AGBL1: variants seen among roughly 807,000 people sequenced by gnomAD.
AGBL1 encodes AGBL carboxypeptidase 1, also known as cytosolic carboxypeptidase 4.
In AGBL1, 130 loss-of-function variants were observed where a neutral mutation model predicts 118.9. The observed-to-expected ratio is 1.09, with a 90% CI of 0.95 to 1.26. The LOEUF (loss-of-function observed/expected upper bound fraction) is 1.26. AGBL1 is among the 50% of genes most tolerant of loss of function. The probability of loss-of-function intolerance (pLI) is 0.00; values close to 1 mark genes in which losing one functional copy is unlikely to be tolerated. For missense variants in AGBL1, 1,584 were observed against 1,298.1 expected (o/e 1.22, Z -3.38); for synonymous variants, 555 against 478.9 (o/e 1.16, Z -2.08).
chr15:86,980,885 CTTTTTTTTTT>C (rs36077192), intron 23 of AGBL1, among the ~76,000 whole-genome samples: 1 of 118,986 alleles, frequency 8.4e-6, no homozygotes, highest in Non-Finnish European at 1.7e-5. Context: ...CAGAAACATC[CTTTTTTTTTT>C]TTTTTTTTTG....
chr15:86,264,503 C>A lies in AGBL1; in HGVS notation c.1332C>A (p.Ser444=), dbSNP rs1291697332. The change falls in exon 11 of 23, where the codon TCC becomes TCA. Residue 444 remains serine (S), a synonymous_variant. Coordinates refer to ENST00000614907, the MANE Select transcript of AGBL1 (RefSeq NM_001386094.1). Reference sequence around the variant, plus strand: ...TGAACCTGTACCAAAATGTGCAATCCAATAGTCTCAGGAGAGATTCTTCTG... The same window carrying A: ...TGAACCTGTACCAAAATGTGCAATCAAATAGTCTCAGGAGAGATTCTTCTG... ...PGVNLYQNVQ[S]NSLRRDSSES... The A allele has an allele frequency of 8.1e-6, 13 of 1,613,886 alleles. No homozygotes were observed. The highest frequency in any genetic ancestry group is 1.3e-5 in the African/African-American group (1 of 74,920).
At chr15:86,956,541 C>T (rs778243077) in intron 23 of AGBL1, among the ~76,000 whole-genome samples, 12 of 152,110 alleles carry the variant, frequency 7.9e-5, no homozygotes, top group Non-Finnish European at 1.6e-4. Context: ...AGACTTGAGG[C>T]AGAATTCCTT....
At chr15:86,656,089 G>T (rs1315933501) in intron 21 of AGBL1, among the ~76,000 whole-genome samples, 1 of 152,158 alleles carries the variant, frequency 6.6e-6, no homozygotes, top group Admixed American at 6.5e-5. Flanking sequence ...TTCTGCACCT[G>T]CAGTGTAATA....
At chr15:86,624,230 C>G (rs2084851583) in intron 21 of AGBL1, among the ~76,000 whole-genome samples, 3 of 152,138 alleles carry the variant, frequency 2.0e-5, no homozygotes, top group Non-Finnish European at 4.4e-5. Flanking sequence ...TATTCTAGTT[C>G]TCATTATTGG....
intron 21 of AGBL1, among the ~76,000 whole-genome samples, chr15:86,583,965 T>C (rs2084210374): frequency 8.1e-6 from 1 of 124,094 alleles, no homozygotes; most frequent in South Asian, 2.5e-4. Flanking sequence ...TTTTTCATGT[T>C]TCTTGGCCAC....
At chr15:86,605,119 C>T (rs966633325) in intron 21 of AGBL1, among the ~76,000 whole-genome samples, 2 of 151,926 alleles carry the variant, frequency 1.3e-5, no homozygotes, top group African/African-American at 4.8e-5. Context: ...ATGTGGTAGT[C>T]AAAACTGGTG....
chr15:86,629,807 TTA>T (rs1321602860), intron 21 of AGBL1, among the ~76,000 whole-genome samples: 8 of 152,172 alleles, frequency 5.3e-5, no homozygotes, highest in Non-Finnish European at 1.2e-4. Flanking sequence ...TGCATTTCCT[TTA>T]TTTCAGGCCC....
chr15:86,150,002 C>T (rs1308602866), intron 3 of AGBL1, among the ~76,000 whole-genome samples: 1 of 152,170 alleles, frequency 6.6e-6, no homozygotes, highest in Non-Finnish European at 1.5e-5. Context: ...TACATGGAAA[C>T]TGAACAACCT....
chr15:86,510,757 T>A (rs1263384583), intron 18 of AGBL1, among the ~76,000 whole-genome samples: 1 of 152,102 alleles, frequency 6.6e-6, no homozygotes, highest in Non-Finnish European at 1.5e-5. Flanking sequence ...TATTTCATAA[T>A]TAAACCTGTT....
intron 17 of AGBL1, among the ~76,000 whole-genome samples, chr15:86,325,604 A>G (rs1470893883): frequency 4.6e-5 from 7 of 152,102 alleles, no homozygotes; most frequent in Non-Finnish European, 8.8e-5. Context: ...TGGCATTGTT[A>G]TATCACCGAG....
At chr15:86,990,241 G>A (rs1050190216) in intron 24 of AGBL1, among the ~76,000 whole-genome samples, 1 of 152,132 alleles carries the variant, frequency 6.6e-6, no homozygotes, top group Non-Finnish European at 1.5e-5. Flanking sequence ...GGGGCCGGAC[G>A]CCATAGCTCA....
At chr15:86,632,220 A>G (rs1321135658) in intron 21 of AGBL1, among the ~76,000 whole-genome samples, 1 of 147,174 alleles carries the variant, frequency 6.8e-6, no homozygotes, top group Non-Finnish European at 1.5e-5. Context: ...GTGAGTTATG[A>G]TCATGCCACT....
chr15:86,325,985 C>T (rs1044192054), intron 17 of AGBL1, among the ~76,000 whole-genome samples: 2 of 152,144 alleles, frequency 1.3e-5, no homozygotes. Flanking sequence ...CTTATCCCCT[C>T]CTGTATCTTC....
rs953933603 is a variant in AGBL1 at position 86,913,045 on chromosome 15, G to C, written c.*5751G>C. 4.6e-5 allele frequency: 7 copies of C among 152,046 alleles called. No homozygotes were observed. Among genetic ancestry groups the C allele is most frequent in the Middle Eastern group, 3.2e-3 (1 of 316 alleles). 9.4% of individuals were successfully genotyped at this position (152,046 alleles called of 1,614,324 possible). On this transcript the variant is annotated 3_prime_UTR_variant, in exon 23 of 23. Coordinates refer to ENST00000614907, the MANE Select transcript of AGBL1 (RefSeq NM_001386094.1). Reference sequence around the variant, plus strand: ...GAAAAGAAAAAATAGAGTGGTAAAAGGGAATTTTGAGATAAAAATGGATTC... The same window carrying C: ...GAAAAGAAAAAATAGAGTGGTAAAACGGAATTTTGAGATAAAAATGGATTC...
intron 24 of AGBL1, among the ~76,000 whole-genome samples, chr15:87,023,968 T>A (rs1432004888): frequency 2.6e-5 from 4 of 151,890 alleles, no homozygotes; most frequent in African/African-American, 9.7e-5. Context: ...TCAAAACCTC[T>A]GAGACACAAA....
chr15:86,783,339 A>G (rs931713957), intron 22 of AGBL1, among the ~76,000 whole-genome samples: 1 of 152,214 alleles, frequency 6.6e-6, no homozygotes, highest in African/African-American at 2.4e-5. Context: ...ATCAGCTACT[A>G]TGGAATTTCC....
At chr15:86,307,474 A>G (rs545143365) in intron 17 of AGBL1, among the ~76,000 whole-genome samples, 2 of 151,932 alleles carry the variant, frequency 1.3e-5, no homozygotes, top group Non-Finnish European at 2.9e-5. Flanking sequence ...ATAGTAGTCT[A>G]TTTTTTACAC....
At chr15:87,009,985 C>T (rs575491840) in intron 24 of AGBL1, among the ~76,000 whole-genome samples, 1 of 152,254 alleles carries the variant, frequency 6.6e-6, no homozygotes, top group South Asian at 2.1e-4. Context: ...AGACTTGGGA[C>T]TGTGGACTAT....
At chr15:86,632,826 A>G (rs1213213546) in intron 21 of AGBL1, among the ~76,000 whole-genome samples, 1 of 127,850 alleles carries the variant, frequency 7.8e-6, no homozygotes, top group East Asian at 2.4e-4. Context: ...TAATTTGTAA[A>G]AAAGGTTTTG....
Sources: allele counts gnomAD v4.1 joint callset (sites outside exome capture counted in the v4.1 genomes callset), GRCh38; gene constraint gnomAD v4.1.1; transcripts MANE v1.5; gene names NCBI Gene and HGNC (gene_info 2026-07-23, HGNC 2026-07-21).